The following GUCY1A2 variants were observed in gnomAD, a reference collection of about 807,000 sequenced individuals.
GUCY1A2 encodes the protein guanylate cyclase soluble subunit alpha-2.
GUCY1A2 carries 27 observed loss-of-function variants against 63.5 expected under a neutral mutation model. The observed-to-expected ratio is 0.43, with a 90% CI of 0.31 to 0.59. The LOEUF is 0.59. Among genes scored for constraint, GUCY1A2 ranks in the 20% least tolerant of loss-of-function variants. The probability of loss-of-function intolerance (pLI) is 0.11; values close to 1 mark genes in which losing one functional copy is unlikely to be tolerated. For missense variants in GUCY1A2, 768 were observed against 913.3 expected (o/e 0.84, Z 2.05); for synonymous variants, 364 against 343.5 (o/e 1.06, Z -0.66).
At chr11:106,734,681 T>G (rs1244192243) in intron 6 of GUCY1A2, among the ~76,000 whole-genome samples, 1 of 152,116 alleles carries the variant, frequency 6.6e-6, no homozygotes, top group Non-Finnish European at 1.5e-5. Context: ...ATTTTCAGGG[T>G]CTAACTCTTC....
chr11:106,806,229 G>A (rs545778222), intron 5 of GUCY1A2, among the ~76,000 whole-genome samples: 2 of 152,206 alleles, frequency 1.3e-5, no homozygotes, highest in African/African-American at 4.8e-5. Flanking sequence ...CTCTTTATAG[G>A]AAAGCTCACT....
chr11:106,714,213 G>A (rs1007436970), intron 6 of GUCY1A2, among the ~76,000 whole-genome samples: 2 of 151,820 alleles, frequency 1.3e-5, no homozygotes, highest in African/African-American at 2.4e-5. Context: ...GGGTCATAGA[G>A]AGGAACAGTC....
intron 4 of GUCY1A2, among the ~76,000 whole-genome samples, chr11:106,935,213 A>C (rs1431526504): frequency 1.3e-5 from 2 of 152,168 alleles, no homozygotes; most frequent in African/African-American, 4.8e-5. Flanking sequence ...AAACCTACTG[A>C]TACCTGGTGC....
At chr11:106,773,160 C>T (rs909604115) in intron 6 of GUCY1A2, among the ~76,000 whole-genome samples, 1 of 148,974 alleles carries the variant, frequency 6.7e-6, no homozygotes, top group African/African-American at 2.5e-5. Flanking sequence ...AGATAAGCAC[C>T]AGCTTGAATT....
At chr11:106,694,945 T>A (rs1862691247) in intron 7 of GUCY1A2, among the ~76,000 whole-genome samples, 1 of 152,162 alleles carries the variant, frequency 6.6e-6, no homozygotes, top group African/African-American at 2.4e-5. Context: ...TTTTCTGGAA[T>A]CTCTTTTGGT....
chr11:106,839,506 T>A (rs1285157767), intron 4 of GUCY1A2, among the ~76,000 whole-genome samples: 3 of 152,080 alleles, frequency 2.0e-5, no homozygotes, highest in Admixed American at 1.3e-4. Context: ...ATCCCATTAC[T>A]GGGTATATAC....
chr11:106,749,707 T>C (rs370642056), intron 6 of GUCY1A2, among the ~76,000 whole-genome samples: 1 of 152,096 alleles, frequency 6.6e-6, no homozygotes, highest in Non-Finnish European at 1.5e-5. Context: ...CTAGTCCACA[T>C]TGCTCACAGA....
intron 6 of GUCY1A2, among the ~76,000 whole-genome samples, chr11:106,734,656 T>C (rs1427555059): frequency 6.6e-6 from 1 of 152,202 alleles, no homozygotes; most frequent in Non-Finnish European, 1.5e-5. Context: ...TGTGAAGTTA[T>C]TGCCAAAGTT....
intron 4 of GUCY1A2, among the ~76,000 whole-genome samples, chr11:106,913,093 T>C (rs1860317454): frequency 6.6e-6 from 1 of 150,792 alleles, no homozygotes; most frequent in Non-Finnish European, 1.5e-5. Flanking sequence ...TAAGTTGATG[T>C]TTTGCTTATG....
intron 6 of GUCY1A2, among the ~76,000 whole-genome samples, chr11:106,756,988 C>T (rs575148752): frequency 1.3e-5 from 2 of 152,330 alleles, no homozygotes; most frequent in East Asian, 1.9e-4. Context: ...GTACACCGAT[C>T]AAACGTAGAT....
chr11:106,781,130 A>AG (rs1295862824), intron 5 of GUCY1A2, among the ~76,000 whole-genome samples: 1 of 95,284 alleles, frequency 1.0e-5, no homozygotes, highest in Non-Finnish European at 2.7e-5. Flanking sequence ...AAAAAAAAAA[A>AG]AAAGAAAAAC....
intron 4 of GUCY1A2, among the ~76,000 whole-genome samples, chr11:106,933,006 GTAAGAATCC>G (rs1187266952): frequency 1.3e-5 from 2 of 152,014 alleles, no homozygotes; most frequent in African/African-American, 4.8e-5. Context: ...ACCTCGAACA[GTAAGAATCC>G]TAGAAGAAAA....
intron 5 of GUCY1A2, among the ~76,000 whole-genome samples, chr11:106,787,415 G>GTTTTTTT (rs58710396): frequency 4.4e-5 from 6 of 135,960 alleles, no homozygotes; most frequent in Admixed American, 7.6e-5. Flanking sequence ...GCCTTACTTT[G>GTTTTTTT]TTTTTTTTTT....
intron 5 of GUCY1A2, among the ~76,000 whole-genome samples, chr11:106,787,544 AAGAT>A (rs905911411): frequency 0.027 from 41 of 1,542 alleles, no homozygotes; most frequent in Non-Finnish European, 0.04. Context: ...GAAAGAGAGA[AAGAT>A]AGAGAAAGAG....
intron 4 of GUCY1A2, among the ~76,000 whole-genome samples, chr11:106,836,445 G>C (rs1349889504): frequency 6.6e-6 from 1 of 151,942 alleles, no homozygotes; most frequent in Non-Finnish European, 1.5e-5. Flanking sequence ...TGAATCGTCT[G>C]TCTGAAATGA....
intron 1 of GUCY1A2, among the ~76,000 whole-genome samples, chr11:107,005,282 TA>T (rs1861657668): frequency 6.6e-6 from 1 of 152,186 alleles, no homozygotes; most frequent in Admixed American, 6.5e-5. Context: ...TTACATTTTT[TA>T]AATTTTTTTG....
intron 5 of GUCY1A2, among the ~76,000 whole-genome samples, chr11:106,781,359 T>A (rs78710177): frequency 1.3e-5 from 2 of 152,294 alleles, no homozygotes; most frequent in African/African-American, 4.8e-5. Context: ...AAACTTACAT[T>A]ATTTTCTGAA....
chr11:106,840,843 A>G (rs964102313), intron 4 of GUCY1A2, among the ~76,000 whole-genome samples: 2 of 151,980 alleles, frequency 1.3e-5, no homozygotes, highest in Non-Finnish European at 2.9e-5. Context: ...AGAAGTAAAA[A>G]ATAAACTTCG....
chr11:106,846,542 C>T (rs113046047), intron 4 of GUCY1A2, among the ~76,000 whole-genome samples: 39 of 151,728 alleles, frequency 2.6e-4, no homozygotes, highest in African/African-American at 9.4e-4. Flanking sequence ...TAAGAAGGAG[C>T]AGTGTTCTAT....
Sources: allele counts gnomAD v4.1 joint callset (sites outside exome capture counted in the v4.1 genomes callset), GRCh38; gene constraint gnomAD v4.1.1; transcripts MANE v1.5; gene names NCBI Gene and HGNC (gene_info 2026-07-23, HGNC 2026-07-21).